Variants in ITGA11 observed in about 807,000 individuals in gnomAD.
The protein encoded by ITGA11 is integrin subunit alpha 11, also known as integrin alpha-11.
A neutral mutation model predicts 141.9 loss-of-function variants in ITGA11; 97 were observed. The observed-to-expected ratio is 0.68, with a 90% CI of 0.58 to 0.81. ITGA11 has a LOEUF of 0.81. Among genes scored for constraint, ITGA11 ranks in the 30% least tolerant of loss-of-function variants. The pLI, the probability that ITGA11 is intolerant of heterozygous loss-of-function variation, is 0.00. For missense variants in ITGA11, 1,387 were observed against 1,559.2 expected, an observed-to-expected ratio of 0.89 and a Z score of 1.86; for synonymous variants, 658 against 624.6, an observed-to-expected ratio of 1.05 and a Z score of -0.80.
chr15:68,348,702 G>A, intron 10 of ITGA11, 128 bp downstream of exon 10: 1 of 761,794 alleles, frequency 1.3e-6, no homozygotes, highest in Non-Finnish European at 2.2e-6. Flanking sequence ...CCCCAAGAAA[G>A]AGAGAAAGTG....
At chr15:68,348,796 G>A in intron 10 of ITGA11, 34 bp downstream of exon 10, 1 of 1,575,382 alleles carries the variant, frequency 6.3e-7, no homozygotes, top group Non-Finnish European at 8.7e-7. Flanking sequence ...GAGAGACAGA[G>A]GCTGGGCTCT....
chr15:68,350,683 C>T lies in ITGA11; in HGVS notation c.994G>A (p.Val332Ile), dbSNP rs768162119. The change falls in exon 9 of 30, where the codon GTC (valine) becomes ATC (isoleucine). Residue 332 changes from valine (V) to isoleucine (I), a missense_variant. By Grantham distance (29) the Val-to-Ile change is conservative. Transcript: ENST00000315757. ...SDPDDKHFFN[V>I]TDEAALKDIV... ...TCCTTCAAGGCAGCCTCATCAGTGACATTGAAGAAGTGCTTGTCATCAGGG... is the reference window on the plus strand; with the variant it reads ...TCCTTCAAGGCAGCCTCATCAGTGATATTGAAGAAGTGCTTGTCATCAGGG... The T allele has an allele frequency of 1.2e-6, 2 of 1,613,944 alleles. No individual in the cohort carries two copies. Among genetic ancestry groups the T allele is most frequent in the South Asian group, 1.1e-5 (1 of 91,068 alleles).
At chr15:68,385,859 TG>T in intron 2 of ITGA11, among the ~76,000 whole-genome samples, 1 of 152,176 alleles carries the variant, frequency 6.6e-6, no homozygotes, top group East Asian at 1.9e-4. Flanking sequence ...ATCATGAGGC[TG>T]GGGCAAATGA....
At chr15:68,368,082 T>C (rs934599144) in intron 3 of ITGA11, among the ~76,000 whole-genome samples, 2 of 152,332 alleles carry the variant, frequency 1.3e-5, no homozygotes, top group African/African-American at 4.8e-5. Flanking sequence ...CTGGCTGCCC[T>C]GGGGAGTTCT....
At position 68,405,279 on chromosome 15, in the gene ITGA11, C is replaced by T. The variant is rs190581078; in HGVS notation, c.53-2250G>A. 2.1e-3 allele frequency among the ~76,000 whole-genome samples: 305 copies of T among 144,462 alleles called. 3 individuals are homozygous for T. The highest frequency in any genetic ancestry group is 2.8e-3 in the Non-Finnish European group (185 of 67,014). The allele number at this position is 144,462 out of a possible 152,430, so 94.8% of individuals were successfully genotyped here. A position where few individuals can be genotyped will look rare whatever the true frequency, so the allele number is the denominator to read the frequency against. ...GACCTTCAAGTAGGGATATTAGATA[C>T]GTGTTATCTTATTGAACATGCCAAT... On this transcript the variant is annotated intron_variant, in intron 1 of 29. Coordinates refer to ENST00000315757, the MANE Select transcript of ITGA11 (RefSeq NM_001004439.2).
rs111776164 is a variant in ITGA11, at chr15:68,308,761, G to GAAAAGAAAAGAATAGA, written c.3175-1066_3175-1065insTCTATTCTTTTCTTTT. Among the ~76,000 whole-genome samples the GAAAAGAAAAGAATAGA allele has an allele frequency of 7.3e-6, 1 of 137,670 alleles. No homozygotes were observed. The highest frequency in any genetic ancestry group is 1.5e-5 in the Non-Finnish European group (1 of 64,830). 90.3% of individuals were successfully genotyped at this position (137,670 alleles called of 152,430 possible). On this transcript the variant is annotated intron_variant, in intron 26 of 29. Transcript: ENST00000315757. The surrounding 1 kb of genome is among the most constrained non-coding windows in gnomAD (Gnocchi z 5.2). ...TGTCTCAAAAGAAAAGAAAAGAAAAGAAAGAAAAGAAAAGAAAAGAAAAGG... is the reference window on the plus strand; with the variant it reads ...TGTCTCAAAAGAAAAGAAAAGAAAAGAAAAGAAAAGAATAGAAAAGAAAAGAAAAGAAAAGAAAAGG...
chr15:68,353,726 G>T lies in ITGA11; in HGVS notation c.750-2324C>A, dbSNP rs142597013. 4.1e-4 allele frequency among the ~76,000 whole-genome samples: 63 copies of T among 152,240 alleles called. No individual in the cohort carries two copies. In the East Asian group the frequency reaches 0.01, roughly 24 times the overall value. On this transcript the variant is annotated intron_variant, in intron 7 of 29. Transcript: ENST00000315757. ...AGCAAGAGCTTTATACTCATAACAG[G>T]CTCCATGGGCCTAGAAACCAGAGTG...
At chr15:68,386,483 C>G (rs552781170) in intron 2 of ITGA11, among the ~76,000 whole-genome samples, 2 of 152,244 alleles carry the variant, frequency 1.3e-5, no homozygotes, top group South Asian at 2.1e-4. Context: ...TGCCCAGGAC[C>G]CTTTGTGACT....
intron 7 of ITGA11, among the ~76,000 whole-genome samples, chr15:68,355,512 T>A (rs958376818): frequency 6.6e-6 from 1 of 151,992 alleles, no homozygotes; most frequent in East Asian, 1.9e-4. Context: ...AGTGGTGTGA[T>A]CTTGGCTCAC....
At chr15:68,352,234 C>T (rs1477212391) in intron 7 of ITGA11, among the ~76,000 whole-genome samples, 7 of 150,864 alleles carry the variant, frequency 4.6e-5, no homozygotes, top group Admixed American at 4.6e-4. Flanking sequence ...CCTCTGTTGC[C>T]CAGGCTGGAG....
chr15:68,396,721 G>T lies in ITGA11; in HGVS notation c.164+6197C>A, dbSNP rs188542553. 3.4e-3 allele frequency among the ~76,000 whole-genome samples: 505 copies of T among 150,200 alleles called. 20 individuals are homozygous for T. In the East Asian group the frequency reaches 0.081, roughly 24 times the overall value. On this transcript the variant is annotated intron_variant, in intron 2 of 29. Coordinates refer to ENST00000315757, the MANE Select transcript of ITGA11 (RefSeq NM_001004439.2). ...AGAAATAATAAATGACTTTAGTAAA[G>T]TTGCTGGATGTATTGTAAATATACA...
At chr15:68,376,414 A>G (rs1895730915) in intron 2 of ITGA11, among the ~76,000 whole-genome samples, 1 of 152,230 alleles carries the variant, frequency 6.6e-6, no homozygotes, top group Admixed American at 6.5e-5. Flanking sequence ...GCTTCTTTGA[A>G]TAACTTTTCA....
At chr15:68,351,510 G>A (rs1894912359) in intron 7 of ITGA11, 108 bp from the exon 8 acceptor site, 1 of 1,261,014 alleles carries the variant, frequency 7.9e-7, no homozygotes, top group Admixed American at 2.2e-5. Flanking sequence ...AGTCCTCCTT[G>A]GGCAACCCAA....
chr15:68,402,868 C>A (rs1458180810), intron 2 of ITGA11, 50 bp downstream of exon 2: 20 of 1,273,926 alleles, frequency 1.6e-5, no homozygotes, highest in Non-Finnish European at 2.0e-5. Context: ...ATGGAGGGGG[C>A]TGGGTGTGGA....
chr15:68,358,746 G>A (rs996403038), intron 5 of ITGA11, among the ~76,000 whole-genome samples, 161 bp from the exon 6 acceptor site: 2 of 152,236 alleles, frequency 1.3e-5, no homozygotes, highest in African/African-American at 2.4e-5. Flanking sequence ...TTTGGGCAAT[G>A]TGAGTGAGCC....
At position 68,424,561 on chromosome 15, in the gene ITGA11, C is replaced by T. The variant is rs79262151; in HGVS notation, c.52+7454G>A. Among the ~76,000 whole-genome samples the T allele has an allele frequency of 1.1e-3, 171 of 152,302 alleles. 2 individuals carry two copies. Among genetic ancestry groups the T allele is most frequent in the African/African-American group, 3.7e-3 (154 of 41,570 alleles). On this transcript the variant is annotated intron_variant, in intron 1 of 29. Transcript: ENST00000315757. ...CAGTTTTCTTCTACATCATCATTCTCACCCTCACCCAGGATGGAGGACCAC... is the reference window on the plus strand; with the variant it reads ...CAGTTTTCTTCTACATCATCATTCTTACCCTCACCCAGGATGGAGGACCAC...
chr15:68,386,449 G>T (rs1317595252), intron 2 of ITGA11, among the ~76,000 whole-genome samples: 1 of 152,158 alleles, frequency 6.6e-6, no homozygotes, highest in African/African-American at 2.4e-5. Context: ...AATCCCAGAG[G>T]ATCCTTCAAA....
In ITGA11 at chr15:68,321,255, T is replaced by C. The variant is rs1174280132; in HGVS notation, c.2408+163A>G. Among the ~76,000 whole-genome samples, 2 of 151,458 alleles carry C rather than the reference T, an allele frequency of 1.3e-5. No individual in the cohort carries two copies. Among genetic ancestry groups the C allele is most frequent in the African/African-American group, 4.9e-5 (2 of 41,142 alleles). ...AGACTTTCCTGAGGTTATGCAGGAGTTGGTGGCAGAGCCTGGGCTAGAACG... is the reference window on the plus strand; with the variant it reads ...AGACTTTCCTGAGGTTATGCAGGAGCTGGTGGCAGAGCCTGGGCTAGAACG... On this transcript the variant is annotated intron_variant, in intron 19 of 29. Coordinates refer to ENST00000315757, the MANE Select transcript of ITGA11 (RefSeq NM_001004439.2). This position sits in a 1 kb window ranked among gnomAD's most constrained non-coding sequence, Gnocchi z 4.9.
Position 68,333,649 on chromosome 15 carries a change from G to A in ITGA11, c.1426-1171C>T, listed in dbSNP as rs937825528. Among the ~76,000 whole-genome samples the A allele has an allele frequency of 4.6e-5, 7 of 152,080 alleles. No homozygotes were observed. Among genetic ancestry groups the A allele is most frequent in the Non-Finnish European group, 7.4e-5 (5 of 68,014 alleles). ...TTCACCAACTGCTCCCCCCTGCTTC[G>A]TCCCTAGGTGAGGCGCCTTCTAAAG... On this transcript the variant is annotated intron_variant, in intron 12 of 29. Coordinates refer to ENST00000315757, the MANE Select transcript of ITGA11 (RefSeq NM_001004439.2). The surrounding 1 kb of genome is among the most constrained non-coding windows in gnomAD (Gnocchi z 4.2).
Sources: gnomAD v4.1 joint callset for allele counts (sites outside exome capture counted in the v4.1 genomes callset) on GRCh38, gnomAD v4.1.1 for gene constraint, Gnocchi (gnomAD v3.1) non-coding constraint, MANE v1.5 for transcripts, NCBI Gene and HGNC (gene_info 2026-07-23, HGNC 2026-07-21) for gene names.